Variants in DPYSL2 observed in about 807,000 individuals in gnomAD.
The protein encoded by DPYSL2 is dihydropyrimidinase-related protein 2.
DPYSL2 carries 13 observed loss-of-function variants against 69.9 expected under a neutral mutation model. The observed-to-expected ratio is 0.19, with a 90% CI of 0.12 to 0.30. The LOEUF is 0.30. DPYSL2 is among the 10% of genes least tolerant of loss of function. DPYSL2 has a pLI of 1.00. For missense variants in DPYSL2, 587 were observed against 918.9 expected, an observed-to-expected ratio of 0.64 and a Z score of 4.67; for synonymous variants, 326 against 359.1, an observed-to-expected ratio of 0.91 and a Z score of 1.04.
rs1233861934 is a variant in DPYSL2 at position 26,653,936 on chromosome 8, G to A, written c.1942+539G>A. Reference sequence around the variant, plus strand: ...TTGAGATCAGTTTGTGTCACACAATGCCCATACTGTGTTTTACCTAATATA... The same window carrying A: ...TTGAGATCAGTTTGTGTCACACAATACCCATACTGTGTTTTACCTAATATA... On this transcript the variant is annotated intron_variant, in intron 13 of 13. Coordinates refer to ENST00000521913, the MANE Select transcript of DPYSL2 (RefSeq NM_001197293.3). The surrounding 1 kb of genome is among the most constrained non-coding windows in gnomAD (Gnocchi z 5.7). 6.6e-6 allele frequency among the ~76,000 whole-genome samples: 1 copy of A among 152,184 alleles called. No homozygotes were observed. The highest frequency in any genetic ancestry group is 1.5e-5 in the Non-Finnish European group (1 of 68,038).
chr8:26,643,874 G>T lies in DPYSL2; in HGVS notation c.1284-76G>T. 6.5e-7 allele frequency: 1 copy of T among 1,532,350 alleles called. No individual in the cohort carries two copies. The highest frequency in any genetic ancestry group is 1.3e-5 in the South Asian group (1 of 79,120). 94.9% of individuals were successfully genotyped at this position (1,532,350 alleles called of 1,614,324 possible). On this transcript the variant is annotated intron_variant, in intron 9 of 13. Coordinates refer to ENST00000521913, the MANE Select transcript of DPYSL2 (RefSeq NM_001197293.3). This position sits in a 1 kb window ranked among gnomAD's most constrained non-coding sequence, Gnocchi z 6.5. ...TGGGTTGGTGTGATGCCATTCATGAGACAGCCCACCAAATAGGTGTAGGCG... is the reference window on the plus strand; with the variant it reads ...TGGGTTGGTGTGATGCCATTCATGATACAGCCCACCAAATAGGTGTAGGCG...
intron 1 of DPYSL2, among the ~76,000 whole-genome samples, chr8:26,529,846 C>G (rs1398196679): frequency 6.6e-6 from 1 of 150,628 alleles, no homozygotes; most frequent in Non-Finnish European, 1.5e-5. Context: ...CACGGTGGCT[C>G]ACACCTGTAA....
At chr8:26,555,579 C>T (rs1800932305) in intron 1 of DPYSL2, among the ~76,000 whole-genome samples, 1 of 151,874 alleles carries the variant, frequency 6.6e-6, no homozygotes, top group African/African-American at 2.4e-5. Flanking sequence ...ATTCCCTATG[C>T]ACAAAATCAA....
rs184656745 is a variant in DPYSL2, at chr8:26,519,653, A to G, written c.354+4974A>G. ...AATTCCTAAGGTCTTGCTATTTAGT[A>G]AGTATGTAAACTAGGATTTGAACTA... On this transcript the variant is annotated intron_variant, in intron 1 of 13. Transcript: ENST00000521913. Among the ~76,000 whole-genome samples, 43 of 152,258 alleles carry G rather than the reference A, an allele frequency of 2.8e-4. No individual in the cohort carries two copies. In the East Asian group the frequency reaches 7.1e-3, roughly 25 times the overall value.
intron 1 of DPYSL2, among the ~76,000 whole-genome samples, chr8:26,528,734 A>C (rs1229533637): frequency 1.3e-5 from 2 of 152,214 alleles, no homozygotes; most frequent in Non-Finnish European, 2.9e-5. Context: ...CACTGAAAGC[A>C]GTGCAGCGCC....
rs1320134326 is a variant in DPYSL2, at chr8:26,586,115, A to C, written c.628+2132A>C. On this transcript the variant is annotated intron_variant, in intron 3 of 13. Transcript: ENST00000521913. This position sits in a 1 kb window ranked among gnomAD's most constrained non-coding sequence, Gnocchi z 4.7. ...GAGACTCCGTCTCAAAAAAAAACAA[A>C]CAAAAAAATTCTCGAGTGAATGGTC... is the stretch of plus-strand genomic sequence containing the variant. Among the ~76,000 whole-genome samples, 2 of 152,176 alleles carry C rather than the reference A, an allele frequency of 1.3e-5. No homozygotes were observed. The highest frequency in any genetic ancestry group is 1.3e-4 in the Admixed American group (2 of 15,280).
intron 3 of DPYSL2, among the ~76,000 whole-genome samples, chr8:26,599,077 A>G (rs1317173667): frequency 6.6e-6 from 1 of 152,210 alleles, no homozygotes; most frequent in African/African-American, 2.4e-5. Context: ...TTTTCATTCC[A>G]TGGCAAGTCC....
rs181378726 is a variant in DPYSL2, at chr8:26,519,414, T to C, written c.354+4735T>C. Among the ~76,000 whole-genome samples the C allele has an allele frequency of 9.5e-4, 145 of 152,320 alleles. 1 individual carries two copies. The highest frequency in any genetic ancestry group is 3.3e-3 in the African/African-American group (138 of 41,576). ...CAGGACTGGGAGAGAGGTCTCTTGT[T>C]TTCAGTCCCACTGCAGTCCTCTATC... is the stretch of plus-strand genomic sequence containing the variant. On this transcript the variant is annotated intron_variant, in intron 1 of 13. Transcript: ENST00000521913.
chr8:26,576,182 G>A (rs909887209), intron 1 of DPYSL2, among the ~76,000 whole-genome samples: 4 of 152,304 alleles, frequency 2.6e-5, no homozygotes, highest in Non-Finnish European at 4.4e-5. Context: ...GATTTTTAGA[G>A]ATATAGGAGT....
chr8:26,645,260 A>G (rs1477339979), intron 10 of DPYSL2, among the ~76,000 whole-genome samples: 1 of 152,048 alleles, frequency 6.6e-6, no homozygotes, highest in Admixed American at 6.6e-5. Flanking sequence ...TTAGTGAGGC[A>G]TGGTGGCAGG....
chr8:26,577,753 G>A, intron 1 of DPYSL2: 1 of 962,152 alleles, frequency 1.0e-6, no homozygotes, highest in South Asian at 4.8e-5. Context: ...CGCGCCGCCT[G>A]CCGCCCCCGG....
chr8:26,645,543 G>C (rs1315196869), intron 10 of DPYSL2, among the ~76,000 whole-genome samples: 1 of 152,090 alleles, frequency 6.6e-6, no homozygotes, highest in African/African-American at 2.4e-5. Context: ...TTCCATGTGA[G>C]TGCTAAACTG....
intron 13 of DPYSL2, 41 bp from the exon 14 acceptor site, chr8:26,655,574 C>A: frequency 6.5e-7 from 1 of 1,543,176 alleles, no homozygotes; most frequent in Non-Finnish European, 8.9e-7. Flanking sequence ...GTGTGACTGT[C>A]CTGGCCCCTC....
chr8:26,554,810 C>A (rs577195249), intron 1 of DPYSL2, among the ~76,000 whole-genome samples: 1 of 152,172 alleles, frequency 6.6e-6, no homozygotes, highest in East Asian at 1.9e-4. Flanking sequence ...CAGACAAAGG[C>A]ATTATAAGAA....
At position 26,634,805 on chromosome 8, in the gene DPYSL2, C is replaced by T. The variant is rs970694512; in HGVS notation, c.1031C>T (p.Ala344Val). Residue 344 changes from alanine (A) to valine (V), a missense_variant, in exon 8 of 14, where the codon GCC becomes GTC. Transcript: ENST00000521913. ...GTCGAGGCCGAAGCCGTGAATCGTG[C>T]CATCACCATCGCCAACCAGACCAAC... ...EEVEAEAVNR[A>V]ITIANQTNCP... 1.2e-6 allele frequency: 2 copies of T among 1,614,062 alleles called. No individual in the cohort carries two copies. Among genetic ancestry groups the T allele is most frequent in the African/African-American group, 2.7e-5 (2 of 74,926 alleles).
rs114130812 is a variant in DPYSL2, at chr8:26,595,970, T to A, written c.628+11987T>A. Among the ~76,000 whole-genome samples, 1,126 of 152,166 alleles carry A rather than the reference T, an allele frequency of 7.4e-3. 17 individuals are homozygous for A. The highest frequency in any genetic ancestry group is 0.026 in the African/African-American group (1,093 of 41,512). On this transcript the variant is annotated intron_variant, in intron 3 of 13. Coordinates refer to ENST00000521913, the MANE Select transcript of DPYSL2 (RefSeq NM_001197293.3). ...TTCAGCTGGGAGTTTGTTTTTTTTT[T>A]AATTACTGTTATTTATTTATTTAGT...
chr8:26,637,180 T>C (rs1289443995), intron 8 of DPYSL2, among the ~76,000 whole-genome samples: 3 of 152,300 alleles, frequency 2.0e-5, no homozygotes, highest in African/African-American at 2.4e-5. Context: ...AGGATGGCAT[T>C]TGCATTCAAA....
At chr8:26,623,715 G>A (rs1026129593) in intron 3 of DPYSL2, 1 of 160,410 alleles carries the variant, frequency 6.2e-6, no homozygotes, top group African/African-American at 2.4e-5. Context: ...GAAAGGCCCG[G>A]TCCGTGTGGC....
rs1254454214 is a variant in DPYSL2 at position 26,564,931 on chromosome 8, CCTT to C, written c.355-17032_355-17030del. On this transcript the variant is annotated intron_variant, in intron 1 of 13. Coordinates refer to ENST00000521913, the MANE Select transcript of DPYSL2 (RefSeq NM_001197293.3). The surrounding 1 kb of genome is among the most constrained non-coding windows in gnomAD (Gnocchi z 4.8). The stretch of plus-strand genomic sequence containing the variant: ...TTATGCCTAGCCCCATTCCCACCCT[CCTT>C]CTTCTGAGTCTCCAAAGTCCATTAT... Among the ~76,000 whole-genome samples, 1 of 152,066 alleles carries C rather than the reference CCTT, an allele frequency of 6.6e-6. No individual in the cohort carries two copies. Among genetic ancestry groups the C allele is most frequent in the Non-Finnish European group, 1.5e-5 (1 of 68,020 alleles).
Sources: gnomAD v4.1 joint callset for allele counts (sites outside exome capture counted in the v4.1 genomes callset) on GRCh38, gnomAD v4.1.1 for gene constraint, Gnocchi (gnomAD v3.1) non-coding constraint, MANE v1.5 for transcripts, NCBI Gene and HGNC (gene_info 2026-07-23, HGNC 2026-07-21) for gene names.